The following KATNIP variants were observed in gnomAD, a reference collection of about 807,000 sequenced individuals.
KATNIP encodes the protein katanin interacting protein.
Under a neutral mutation model 174.0 loss-of-function variants are expected in KATNIP, and 126 were observed. The ratio of observed to expected loss-of-function variants is 0.72; its 90% confidence interval spans 0.63 to 0.84. The LOEUF (loss-of-function observed/expected upper bound fraction) is 0.84. Ranked by LOEUF, KATNIP falls within the 40% of genes least tolerant of loss-of-function variation. KATNIP has a pLI of 0.00. For missense variants in KATNIP, 1,958 were observed against 2,109.7 expected (o/e 0.93, Z 1.41); for synonymous variants, 810 against 835.7 (o/e 0.97, Z 0.53).
At chr16:27,754,138 C>A (rs755064177) in intron 17 of KATNIP, 35 bp from the exon 18 acceptor site, 15 of 1,581,658 alleles carry the variant, frequency 9.5e-6, no homozygotes. Flanking sequence ...ACTAAAACCA[C>A]CCCCTTTTCC....
chr16:27,700,406 A>C lies in KATNIP; in HGVS notation c.1179+807A>C, dbSNP rs1322981503. Among the ~76,000 whole-genome samples, 4 of 152,324 alleles carry C rather than the reference A, an allele frequency of 2.6e-5. No homozygotes were observed. The East Asian group carries it at 7.7e-4, about 29-fold the overall frequency. On this transcript the variant is annotated intron_variant, in intron 10 of 27. Coordinates refer to ENST00000261588, the MANE Select transcript of KATNIP (RefSeq NM_015202.5). ...ATACACAGGTCTGTGCTGTGTGCTC[A>C]GAATGCAGAGGCAGCTGAGACAGAT...
chr16:27,602,582 T>G (rs2075564657), intron 2 of KATNIP, among the ~76,000 whole-genome samples: 1 of 152,212 alleles, frequency 6.6e-6, no homozygotes, highest in Non-Finnish European at 1.5e-5. Flanking sequence ...ACAGGGGACT[T>G]CAAACAGAAA....
chr16:27,588,580 A>G (rs1027610567), intron 2 of KATNIP, among the ~76,000 whole-genome samples: 2 of 151,760 alleles, frequency 1.3e-5, no homozygotes, highest in Non-Finnish European at 2.9e-5. Flanking sequence ...GGCTCAAGCA[A>G]TCCTGCCTCA....
intron 8 of KATNIP, among the ~76,000 whole-genome samples, chr16:27,683,039 A>C (rs1194408476): frequency 6.6e-6 from 1 of 152,154 alleles, no homozygotes; most frequent in Admixed American, 6.5e-5. Context: ...ATAAGAAATA[A>C]ATTCCTTTCC....
intron 2 of KATNIP, among the ~76,000 whole-genome samples, chr16:27,601,709 TTGTC>T (rs751567050): frequency 2.0e-5 from 3 of 152,064 alleles, no homozygotes; most frequent in Non-Finnish European, 4.4e-5. Context: ...CAGATTACAC[TTGTC>T]TGTCTATCTC....
chr16:27,721,516 A>G, intron 13 of KATNIP, 42 bp from the exon 14 acceptor site: 1 of 1,613,216 alleles, frequency 6.2e-7, no homozygotes, highest in Non-Finnish European at 8.5e-7. Context: ...GGGGAGAGGC[A>G]GAAATGTGCC....
chr16:27,653,508 G>A (rs958537749), intron 6 of KATNIP, among the ~76,000 whole-genome samples: 2 of 151,986 alleles, frequency 1.3e-5, no homozygotes, highest in South Asian at 2.1e-4. Context: ...GTTTCAATGC[G>A]TGGGGTTTAC....
rs889987596 is a variant in KATNIP at position 27,552,414 on chromosome 16, G to A, written c.7+2237G>A. On this transcript the variant is annotated intron_variant, in intron 1 of 27. Transcript: ENST00000261588. Reference sequence around the variant, plus strand: ...TTTTTTGAGAAAAAGTCTCACTGTCGCCCAGGCTGGAGTGCAGTGGCACGA... The same window carrying A: ...TTTTTTGAGAAAAAGTCTCACTGTCACCCAGGCTGGAGTGCAGTGGCACGA... Among the ~76,000 whole-genome samples the A allele has an allele frequency of 9.8e-5, 14 of 143,366 alleles. No individual in the cohort carries two copies. In the East Asian group the frequency reaches 1.0e-3, roughly 10 times the overall value. 94.1% of individuals were successfully genotyped at this position (143,366 alleles called of 152,430 possible).
At chr16:27,594,518 G>A (rs1259733385) in intron 2 of KATNIP, among the ~76,000 whole-genome samples, 4 of 151,908 alleles carry the variant, frequency 2.6e-5, no homozygotes, top group Non-Finnish European at 4.4e-5. Context: ...AAGTCACCTC[G>A]GCCCTGGCTG....
intron 6 of KATNIP, chr16:27,660,117 C>T (rs2077422781): frequency 3.6e-6 from 2 of 562,214 alleles, no homozygotes; most frequent in Non-Finnish European, 4.5e-6. Flanking sequence ...ATTCTGGGGC[C>T]TTGGCTAAGT....
In KATNIP at chr16:27,690,177, A is replaced by C. The variant is rs2078665128; in HGVS notation, c.941-8151A>C. Among the ~76,000 whole-genome samples the C allele has an allele frequency of 2.0e-5, 3 of 151,896 alleles. No individual in the cohort carries two copies. In the South Asian group the frequency reaches 6.2e-4, roughly 32 times the overall value. The stretch of plus-strand genomic sequence containing the variant: ...TAATAATAATAAAACTAGCTGGGTG[A>C]TGTGGTGCATGCCTGTGGTCCCAGC... On this transcript the variant is annotated intron_variant, in intron 8 of 27. Coordinates refer to ENST00000261588, the MANE Select transcript of KATNIP (RefSeq NM_015202.5).
rs1035938583 is a variant in KATNIP, at chr16:27,669,291, G to A, written c.541-8438G>A. The A allele has an allele frequency of 4.1e-6, 4 of 985,252 alleles. No individual in the cohort carries two copies. In the African/African-American group the frequency reaches 7.0e-5, roughly 17 times the overall value. 61.0% of individuals were successfully genotyped at this position (985,252 alleles called of 1,614,324 possible). ...AAACTACCTTTAAGTCTTTGTATCA[G>A]CGTCCGTCCCTCCACCTTCTCCCTG... On this transcript the variant is annotated intron_variant, in intron 6 of 27. Coordinates refer to ENST00000261588, the MANE Select transcript of KATNIP (RefSeq NM_015202.5).
intron 6 of KATNIP, among the ~76,000 whole-genome samples, chr16:27,670,283 G>A (rs922582862): frequency 6.6e-6 from 1 of 152,174 alleles, no homozygotes; most frequent in Non-Finnish European, 1.5e-5. Context: ...TAAGCTAAGG[G>A]CTTAGGTTTA....
chr16:27,600,886 C>A lies in KATNIP; in HGVS notation c.64-17539C>A, dbSNP rs375126079. Among the ~76,000 whole-genome samples the A allele has an allele frequency of 2.8e-4, 42 of 152,228 alleles. 1 individual carries two copies. The highest frequency in any genetic ancestry group is 7.5e-4 in the African/African-American group (31 of 41,556). On this transcript the variant is annotated intron_variant, in intron 2 of 27. Coordinates refer to ENST00000261588, the MANE Select transcript of KATNIP (RefSeq NM_015202.5). ...CTGGGATTACAGGCACACACCACCA[C>A]GCCCAGCTAATTTTTTGTATTTTTT...
At chr16:27,694,156 T>C (rs1305027170) in intron 8 of KATNIP, among the ~76,000 whole-genome samples, 1 of 152,214 alleles carries the variant, frequency 6.6e-6, no homozygotes, top group African/African-American at 2.4e-5. Context: ...GCCCAGTGCC[T>C]GGCTGTCCTG....
At chr16:27,686,106 A>G (rs1046819762) in intron 8 of KATNIP, among the ~76,000 whole-genome samples, 12 of 152,156 alleles carry the variant, frequency 7.9e-5, no homozygotes, top group African/African-American at 2.9e-4. Context: ...AGACACTGGC[A>G]TCATGCTCAG....
rs536245803 is a variant in KATNIP, at chr16:27,637,205, A to G, written c.408+6043A>G. 1.3e-5 allele frequency among the ~76,000 whole-genome samples: 2 copies of G among 152,278 alleles called. No homozygotes were observed. Among genetic ancestry groups the G allele is most frequent in the South Asian group, 2.1e-4 (1 of 4,828 alleles). ...TTTAATCACAGAGGGGCAGATGGGG[A>G]GGGCAGCTCAGCCTGGAGGCCTCAG... On this transcript the variant is annotated intron_variant, in intron 5 of 27. Coordinates refer to ENST00000261588, the MANE Select transcript of KATNIP (RefSeq NM_015202.5). This position sits in a 1 kb window ranked among gnomAD's most constrained non-coding sequence, Gnocchi z 4.7.
intron 9 of KATNIP, among the ~76,000 whole-genome samples, 185 bp downstream of exon 9, chr16:27,698,685 G>A (rs1246433757): frequency 6.6e-6 from 1 of 152,194 alleles, no homozygotes; most frequent in Admixed American, 6.5e-5. Context: ...CTTTTCTTCC[G>A]CCTTCTTTTA....
intron 7 of KATNIP, 89 bp from the exon 8 acceptor site, chr16:27,681,310 T>G: frequency 6.7e-7 from 1 of 1,490,730 alleles, no homozygotes; most frequent in Non-Finnish European, 9.3e-7. Flanking sequence ...GTTGAATGAG[T>G]AAGTGAATGA....
Sources: allele counts gnomAD v4.1 joint callset (sites outside exome capture counted in the v4.1 genomes callset), GRCh38; gene constraint gnomAD v4.1.1; non-coding constraint Gnocchi (gnomAD v3.1); transcripts MANE v1.5; gene names NCBI Gene and HGNC (gene_info 2026-07-23, HGNC 2026-07-21).